Variants in INTS4 observed in about 807,000 individuals in gnomAD.
INTS4 encodes MSTP093.
Under a neutral mutation model 119.5 loss-of-function variants are expected in INTS4, and 70 were observed. That is an observed-to-expected ratio of 0.59 (90% CI 0.48 to 0.71). INTS4 has a LOEUF of 0.71. Ranked by LOEUF, INTS4 falls within the 30% of genes least tolerant of loss-of-function variation. INTS4 has a pLI of 0.00. For synonymous variants in INTS4, 316 were observed against 419.6 expected (o/e 0.75, Z 3.02); for missense variants, 867 against 1,173.2 (o/e 0.74, Z 3.81).
At chr11:77,876,962 C>G (rs944447436), downstream of INTS4, 2 of 703,196 alleles carry the variant, frequency 2.8e-6, no homozygotes, top group African/African-American at 1.7e-5. Flanking sequence ...TCCAACCCAG[C>G]AGCTGCCATC....
intron 8 of INTS4, among the ~76,000 whole-genome samples, chr11:77,944,430 TTC>T (rs1477880085): frequency 6.6e-6 from 1 of 152,192 alleles, no homozygotes; most frequent in African/African-American, 2.4e-5. Context: ...TGCTCATATT[TTC>T]TCTTTCTCTG....
At chr11:77,946,415 T>C (rs1484379563) in intron 8 of INTS4, among the ~76,000 whole-genome samples, 5 of 152,174 alleles carry the variant, frequency 3.3e-5, no homozygotes, top group Admixed American at 6.5e-5. Context: ...ACATCCAGTA[T>C]CTTACACACG....
At chr11:77,918,555 A>T (rs1387840496) in intron 15 of INTS4, 4 of 340,236 alleles carry the variant, frequency 1.2e-5, no homozygotes, top group Non-Finnish European at 2.1e-5. Context: ...TCATCCTAAT[A>T]TATAAAATTA....
chr11:77,934,596 T>C (rs558148643), intron 10 of INTS4, among the ~76,000 whole-genome samples: 2 of 151,300 alleles, frequency 1.3e-5, no homozygotes, highest in East Asian at 3.9e-4. Flanking sequence ...ATAAAGAGCA[T>C]TAAAACTCAA....
At chr11:77,982,136 CTT>C (rs777434800) in intron 2 of INTS4, among the ~76,000 whole-genome samples, 44 of 131,252 alleles carry the variant, frequency 3.4e-4, no homozygotes, top group Non-Finnish European at 2.8e-4. Context: ...TTCTACCTGT[CTT>C]TTTTTTTTTT....
At chr11:77,918,268 CAA>C (rs34323244) in intron 15 of INTS4, 1,170 of 459,198 alleles carry the variant, frequency 2.5e-3, no homozygotes, top group Middle Eastern at 5.1e-3. Flanking sequence ...CTCGACTCTA[CAA>C]AAAAAAAAAA....
intron 8 of INTS4, among the ~76,000 whole-genome samples, chr11:77,949,350 A>C (rs528793527): frequency 1.3e-5 from 2 of 152,282 alleles, no homozygotes; most frequent in African/African-American, 2.4e-5. Context: ...AATGGCAACG[A>C]AGCCAAAATT....
downstream of INTS4, among the ~76,000 whole-genome samples, chr11:77,877,414 T>C (rs931740600): frequency 6.6e-6 from 1 of 152,240 alleles, no homozygotes. Flanking sequence ...TCAAATATGA[T>C]CAAGACTGGC....
At chr11:77,920,258 C>CAT (rs58721042) in intron 14 of INTS4, among the ~76,000 whole-genome samples, 54,885 of 142,136 alleles carry the variant, frequency 0.39, 10,957 homozygotes, top group African/African-American at 0.43. Flanking sequence ...TACATATATA[C>CAT]ATATATACAC....
At chr11:77,925,800 T>C (rs1164552607) in intron 11 of INTS4, among the ~76,000 whole-genome samples, 2 of 152,212 alleles carry the variant, frequency 1.3e-5, no homozygotes, top group African/African-American at 4.8e-5. Context: ...TTTCTCTCTA[T>C]TCTGCAAACA....
chr11:77,936,666 G>A (rs1953799014), intron 10 of INTS4, among the ~76,000 whole-genome samples: 1 of 152,054 alleles, frequency 6.6e-6, no homozygotes, highest in Admixed American at 6.6e-5. Context: ...TATATACTAG[G>A]TGGGATTAAC....
intron 10 of INTS4, among the ~76,000 whole-genome samples, chr11:77,932,240 C>CAAA (rs530169988): frequency 6.6e-6 from 1 of 151,776 alleles, no homozygotes; most frequent in African/African-American, 2.4e-5. Context: ...AACAAATTTC[C>CAAA]AAAAAACAAA....
At chr11:77,879,201 A>C in intron 22 of INTS4, 74 bp from the exon 23 acceptor site, 1 of 1,517,410 alleles carries the variant, frequency 6.6e-7, no homozygotes, top group Non-Finnish European at 9.0e-7. Context: ...GAAGTTAAAG[A>C]AATATCAAAA....
chr11:77,989,060 C>T (rs992079416), intron 2 of INTS4, among the ~76,000 whole-genome samples: 1 of 151,348 alleles, frequency 6.6e-6, no homozygotes, highest in African/African-American at 2.4e-5. Context: ...GGTTAGGTGG[C>T]TATGTTAAAA....
At chr11:77,915,096 G>C (rs1445083392) in intron 15 of INTS4, 5 of 180,210 alleles carry the variant, frequency 2.8e-5, no homozygotes, top group Non-Finnish European at 6.1e-5. Flanking sequence ...CCTTTTGGCT[G>C]ATGCTATCAC....
intron 22 of INTS4, among the ~76,000 whole-genome samples, chr11:77,879,432 CT>C (rs1951707543): frequency 6.6e-6 from 1 of 152,174 alleles, no homozygotes. Flanking sequence ...GGCTCAAATT[CT>C]TATGCAGGTG....
intron 1 of INTS4, among the ~76,000 whole-genome samples, chr11:77,991,899 T>G (rs1591157800): frequency 6.6e-6 from 1 of 152,030 alleles, no homozygotes; most frequent in East Asian, 1.9e-4. Context: ...GGATTATAGG[T>G]GTGTGCCACC....
At chr11:77,941,458 C>T (rs1407276915) in intron 8 of INTS4, among the ~76,000 whole-genome samples, 5 of 138,456 alleles carry the variant, frequency 3.6e-5, no homozygotes, top group Non-Finnish European at 4.6e-5. Context: ...ACCTACTGTG[C>T]TTTTTTTTTT....
At chr11:77,925,984 C>T (rs1340973886) in intron 11 of INTS4, among the ~76,000 whole-genome samples, 1 of 152,198 alleles carries the variant, frequency 6.6e-6, no homozygotes, top group Non-Finnish European at 1.5e-5. Context: ...TTCCCCATTC[C>T]TCAATCATAC....
Sources: allele counts gnomAD v4.1 joint callset (sites outside exome capture counted in the v4.1 genomes callset), GRCh38; gene constraint gnomAD v4.1.1; transcripts MANE v1.5; gene names NCBI Gene and HGNC (gene_info 2026-07-23, HGNC 2026-07-21).